Variants in VPS13B observed in about 807,000 individuals in gnomAD.
VPS13B encodes the protein intermembrane lipid transfer protein VPS13B.
Under a neutral mutation model 426.4 loss-of-function variants are expected in VPS13B, and 285 were observed. The ratio of observed to expected loss-of-function variants is 0.67; its 90% CI spans 0.61 to 0.74. The LOEUF (loss-of-function observed/expected upper bound fraction) is 0.74, where lower values mean the gene tolerates loss of function less well. VPS13B is among the 30% of genes least tolerant of loss of function. The pLI, the probability that VPS13B is intolerant of heterozygous loss-of-function variation, is 0.00. For synonymous variants in VPS13B, 1,676 were observed against 1,676.4 expected, an observed-to-expected ratio of 1.00 and a Z score of 0.01; for missense variants, 4,537 against 4,782.6, an observed-to-expected ratio of 0.95 and a Z score of 1.51.
intron 33 of VPS13B, among the ~76,000 whole-genome samples, chr8:99,631,465 A>G (rs1828843811): frequency 6.6e-6 from 1 of 152,136 alleles, no homozygotes; most frequent in South Asian, 2.1e-4. Flanking sequence ...CGTGAGTGTC[A>G]TGCCCCTATG....
chr8:99,856,583 G>A lies in VPS13B; in HGVS notation c.10867+2327G>A, dbSNP rs7813177. On this transcript the variant is annotated intron_variant, in intron 56 of 61. Transcript: ENST00000357162. ...AGGCCGGGCGCAGTGGCTCACGCCT[G>A]TAATCCCAGCACTTTGGGAGGCCGA... Among the ~76,000 whole-genome samples, 964 of 152,362 alleles carry A rather than the reference G, an allele frequency of 6.3e-3. 14 individuals carry two copies. Among genetic ancestry groups the A allele is most frequent in the African/African-American group, 0.022 (896 of 41,580 alleles).
intron 6 of VPS13B, among the ~76,000 whole-genome samples, chr8:99,112,008 G>A (rs746828295): frequency 1.1e-4 from 17 of 151,950 alleles, no homozygotes; most frequent in South Asian, 4.2e-4. Flanking sequence ...ATGTCCATGT[G>A]TACCCAAGAT....
In VPS13B at chr8:99,804,508, A is replaced by G. The variant is rs533998216; in HGVS notation, c.7942-4867A>G. On this transcript the variant is annotated intron_variant, in intron 43 of 61. Coordinates refer to ENST00000357162, the MANE Select transcript of VPS13B (RefSeq NM_152564.5). ...ACTGAATTGGGGACGGAGTGACTGC[A>G]GTCTCTGGCCCCAGGAGGCACTCAT... Among the ~76,000 whole-genome samples, 6 of 152,328 alleles carry G rather than the reference A, an allele frequency of 3.9e-5. No individual in the cohort carries two copies. The South Asian group carries it at 1.0e-3, about 26-fold the overall frequency.
At chr8:99,340,115 G>A (rs932713140) in intron 19 of VPS13B, among the ~76,000 whole-genome samples, 6 of 152,146 alleles carry the variant, frequency 3.9e-5, no homozygotes, top group African/African-American at 1.2e-4. Flanking sequence ...CACCCAGGAA[G>A]TAATTCCTAA....
intron 3 of VPS13B, among the ~76,000 whole-genome samples, chr8:99,070,557 A>G (rs1844801444): frequency 6.6e-6 from 1 of 152,186 alleles, no homozygotes; most frequent in Non-Finnish European, 1.5e-5. Context: ...ACAGAAGTAA[A>G]TAAGTAGTAA....
intron 30 of VPS13B, among the ~76,000 whole-genome samples, chr8:99,542,233 G>T (rs560078441): frequency 8.5e-5 from 13 of 152,116 alleles, no homozygotes; most frequent in Non-Finnish European, 5.9e-5. Flanking sequence ...TATTGACATG[G>T]ACATCATCAG....
intron 23 of VPS13B, among the ~76,000 whole-genome samples, chr8:99,454,835 G>C (rs1337980915): frequency 6.6e-6 from 1 of 152,148 alleles, no homozygotes; most frequent in African/African-American, 2.4e-5. Context: ...TAGGTATGTA[G>C]TGGTATCTAA....
chr8:99,775,048 C>G (rs1179580260), intron 40 of VPS13B, among the ~76,000 whole-genome samples: 1 of 152,204 alleles, frequency 6.6e-6, no homozygotes, highest in African/African-American at 2.4e-5. Context: ...GTTTCACAAC[C>G]TCTTTCAAAA....
chr8:99,864,644 C>T (rs372171324), intron 58 of VPS13B, among the ~76,000 whole-genome samples: 3 of 152,148 alleles, frequency 2.0e-5, no homozygotes, highest in Non-Finnish European at 1.5e-5. Context: ...AAGACAGAAA[C>T]GTTAAGGACC....
intron 29 of VPS13B, among the ~76,000 whole-genome samples, chr8:99,517,931 T>TA (rs1822175284): frequency 6.6e-6 from 1 of 152,058 alleles, no homozygotes; most frequent in Non-Finnish European, 1.5e-5. Flanking sequence ...TATTTTTTTT[T>TA]ACATCTCGGT....
chr8:99,028,079 C>T, intron 2 of VPS13B, among the ~76,000 whole-genome samples: 1 of 152,214 alleles, frequency 6.6e-6, no homozygotes, highest in Non-Finnish European at 1.5e-5. Context: ...TTTCTTAGTA[C>T]AGAACAAAAT....
chr8:99,627,489 C>T (rs1007126993), intron 33 of VPS13B, among the ~76,000 whole-genome samples: 3 of 152,122 alleles, frequency 2.0e-5, no homozygotes, highest in Admixed American at 6.5e-5. Flanking sequence ...AATCTCAGCT[C>T]ACTGCAACCT....
chr8:99,593,397 A>T (rs748563706), intron 33 of VPS13B, among the ~76,000 whole-genome samples: 2 of 152,138 alleles, frequency 1.3e-5, no homozygotes, highest in Non-Finnish European at 2.9e-5. Flanking sequence ...ATTCTTAAAA[A>T]GTCAAAAAAC....
At chr8:99,349,582 C>T (rs1267439630) in intron 19 of VPS13B, among the ~76,000 whole-genome samples, 5 of 152,002 alleles carry the variant, frequency 3.3e-5, no homozygotes, top group South Asian at 2.1e-4. Context: ...GTTTGGGACA[C>T]GCTTTTATTG....
chr8:99,850,424 A>G (rs1816225940), intron 55 of VPS13B, among the ~76,000 whole-genome samples: 1 of 151,602 alleles, frequency 6.6e-6, no homozygotes, highest in South Asian at 2.1e-4. Context: ...CATACACAGA[A>G]AACATTCCTA....
At chr8:99,859,611 A>G (rs1816728256) in intron 57 of VPS13B, 131 bp downstream of exon 57, 5 of 1,228,630 alleles carry the variant, frequency 4.1e-6, no homozygotes, top group African/African-American at 1.5e-5. Context: ...TTGCAGTGAG[A>G]GTTTGGGTTT....
intron 21 of VPS13B, among the ~76,000 whole-genome samples, chr8:99,403,050 A>G (rs1485636130): frequency 6.6e-6 from 1 of 152,264 alleles, no homozygotes; most frequent in Non-Finnish European, 1.5e-5. Context: ...CAGTTGTGGC[A>G]GACTACTTAT....
At chr8:99,815,350 C>T (rs550253799) in intron 44 of VPS13B, among the ~76,000 whole-genome samples, 1 of 152,156 alleles carries the variant, frequency 6.6e-6, no homozygotes, top group African/African-American at 2.4e-5. Context: ...AGAGCTGATG[C>T]TTCATTCCAA....
intron 35 of VPS13B, 96 bp from the exon 36 acceptor site, chr8:99,699,429 C>A: frequency 7.3e-7 from 1 of 1,364,118 alleles, no homozygotes; most frequent in Non-Finnish European, 1.0e-6. Context: ...TAATATGGAT[C>A]TTGGGACACT....
Sources: allele counts gnomAD v4.1 joint callset (sites outside exome capture counted in the v4.1 genomes callset), GRCh38; gene constraint gnomAD v4.1.1; transcripts MANE v1.5; gene names NCBI Gene and HGNC (gene_info 2026-07-23, HGNC 2026-07-21).